Variants in IDE observed in about 807,000 individuals in gnomAD.
The protein encoded by IDE is insulin-degrading enzyme.
IDE carries 58 observed loss-of-function variants against 133.2 expected under a neutral mutation model. The ratio of observed to expected loss-of-function variants is 0.44; its 90% confidence interval spans 0.35 to 0.54. IDE has a LOEUF of 0.54. Ranked by LOEUF, IDE falls within the 20% of genes least tolerant of loss-of-function variation. The pLI, the probability that IDE is intolerant of heterozygous loss-of-function variation, is 0.00. For synonymous variants in IDE, 396 were observed against 421.3 expected (o/e 0.94, Z 0.73); for missense variants, 981 against 1,234.0 (o/e 0.79, Z 3.07).
At chr10:92,533,666 A>G (rs1850065858) in intron 3 of IDE, among the ~76,000 whole-genome samples, 1 of 151,138 alleles carries the variant, frequency 6.6e-6, no homozygotes, top group Non-Finnish European at 1.5e-5. Context: ...GAATCAAATC[A>G]CTGATGCAAC....
rs766261002 is a variant in IDE, at chr10:92,474,956, C to T, written c.2001G>A (p.Met667Ile). The change falls in exon 17 of 25, where the codon ATG becomes ATA. Residue 667 changes from methionine to isoleucine, a missense_variant. Met to Ile is a conservative substitution (Grantham distance 10). This residue lies in a region of IDE where 660 missense variants were observed against 894.7 expected (regional missense o/e 0.74). Coordinates refer to ENST00000265986, the MANE Select transcript of IDE (RefSeq NM_004969.4). ...KRFEIIKEAY[M>I]RSLNNFRAEQ... ...CAGCCCGGAAATTGTTAAGAGATCG[C>T]ATATACTAGTGAAAGAGACATGCGT... 6.2e-7 allele frequency: 1 copy of T among 1,604,114 alleles called. No homozygotes were observed. Among genetic ancestry groups the T allele is most frequent in the South Asian group, 1.1e-5 (1 of 88,856 alleles).
intron 9 of IDE, among the ~76,000 whole-genome samples, chr10:92,506,839 A>G (rs1328003460): frequency 3.3e-5 from 5 of 152,186 alleles, no homozygotes; most frequent in Admixed American, 6.5e-5. Flanking sequence ...AGAATTTAGA[A>G]AAACTGTGTG....
At position 92,499,325 on chromosome 10, in the gene IDE, C is replaced by T. The variant is rs564274392; in HGVS notation, c.1430+5469G>A. Among the ~76,000 whole-genome samples, 27 of 150,872 alleles carry T rather than the reference C, an allele frequency of 1.8e-4. 1 individual carries two copies. The highest frequency in any genetic ancestry group is 1.5e-3 in the Admixed American group (23 of 15,128). On this transcript the variant is annotated intron_variant, in intron 11 of 24. Transcript: ENST00000265986. ...CAGCCTCCCAAGTAGCTGGAATTACCGTAGAGATGAGGTTTTGCCATGTTG... is the reference window on the plus strand; with the variant it reads ...CAGCCTCCCAAGTAGCTGGAATTACTGTAGAGATGAGGTTTTGCCATGTTG...
rs1842981989 is a variant in IDE, at chr10:92,555,964, G to A, written c.98+17958C>T. On this transcript the variant is annotated intron_variant, in intron 1 of 24. Coordinates refer to ENST00000265986, the MANE Select transcript of IDE (RefSeq NM_004969.4). ...CGAGGCGGGTGGATCACGAGGTCAG[G>A]AGATCGAGACCATCCTGGCTAACAA... Among the ~76,000 whole-genome samples the A allele has an allele frequency of 3.9e-5, 6 of 152,022 alleles. 2 individuals are homozygous for A. The South Asian group carries it at 1.2e-3, about 32-fold the overall frequency.
chr10:92,484,133 C>T (rs892863935), intron 13 of IDE, among the ~76,000 whole-genome samples: 1 of 152,112 alleles, frequency 6.6e-6, no homozygotes, highest in Non-Finnish European at 1.5e-5. Context: ...GTGTGAGGGC[C>T]AGGCGCGGTG....
At chr10:92,539,254 C>T (rs1480049090) in intron 1 of IDE, among the ~76,000 whole-genome samples, 3 of 151,308 alleles carry the variant, frequency 2.0e-5, no homozygotes, top group East Asian at 1.9e-4. Flanking sequence ...AGAGGAGATA[C>T]GGAATTTTAA....
chr10:92,494,228 A>ATTTT (rs56276579), intron 11 of IDE, among the ~76,000 whole-genome samples: 1 of 130,668 alleles, frequency 7.7e-6, no homozygotes. Flanking sequence ...TACCCAGCCA[A>ATTTT]TTTTTTTTTT....
intron 4 of IDE, among the ~76,000 whole-genome samples, chr10:92,524,507 A>T (rs868140855): frequency 1.5e-4 from 11 of 73,730 alleles, no homozygotes; most frequent in African/African-American, 5.2e-4. Context: ...TATTTTATAT[A>T]ATATATAATA....
intron 23 of IDE, 95 bp from the exon 24 acceptor site, chr10:92,455,738 A>T (rs930388351): frequency 6.9e-6 from 5 of 728,158 alleles, no homozygotes; most frequent in Non-Finnish European, 9.6e-6. Context: ...TTAATTAAAA[A>T]CACCGCACCA....
chr10:92,487,937 C>T (rs1009162119), intron 12 of IDE, among the ~76,000 whole-genome samples: 1 of 152,136 alleles, frequency 6.6e-6, no homozygotes, highest in African/African-American at 2.4e-5. Flanking sequence ...GCTGGGACTA[C>T]AGGTGTGTGC....
In IDE at chr10:92,452,954, T is replaced by C. The variant is rs1162145636; in HGVS notation, c.*1490A>G. ...TGACAGTAGAAATGGAGCCCCGCTT[T>C]TGAAAGCAGCCCCATAGTTGTGACT... On this transcript the variant is annotated 3_prime_UTR_variant, in exon 25 of 25. Transcript: ENST00000265986. 1 of 152,214 alleles carries C rather than the reference T, an allele frequency of 6.6e-6. No individual in the cohort carries two copies. The highest frequency in any genetic ancestry group is 1.9e-4 in the East Asian group (1 of 5,202). 9.4% of individuals were successfully genotyped at this position (152,214 alleles called of 1,614,324 possible).
In IDE at chr10:92,487,123, G is replaced by A; in HGVS notation, c.1656+73C>T. On this transcript the variant is annotated intron_variant, in intron 13 of 24. Transcript: ENST00000265986. ...CAAATCAACATAGTACCAAATGTAA[G>A]AAATCATTTACCCAGTCCCCCATGT... The A allele has an allele frequency of 4.2e-6, 6 of 1,429,316 alleles. No homozygotes were observed. In the South Asian group the frequency reaches 7.9e-5, roughly 19 times the overall value. 88.5% of individuals were successfully genotyped at this position (1,429,316 alleles called of 1,614,324 possible).
At chr10:92,553,380 T>G (rs1842878885) in intron 1 of IDE, among the ~76,000 whole-genome samples, 1 of 149,786 alleles carries the variant, frequency 6.7e-6, no homozygotes, top group African/African-American at 2.5e-5. Context: ...GCCAAGACTA[T>G]GCCACTGCAC....
intron 19 of IDE, among the ~76,000 whole-genome samples, chr10:92,468,053 A>G (rs143095458): frequency 1.3e-5 from 2 of 152,358 alleles, no homozygotes; most frequent in East Asian, 3.9e-4. Flanking sequence ...CTGCAAGTCC[A>G]GAGGTAGATG....
chr10:92,479,664 TGAA>T (rs919466772), intron 14 of IDE: 20 of 370,998 alleles, frequency 5.4e-5, no homozygotes, highest in African/African-American at 3.3e-4. Flanking sequence ...CTGGTAGTAG[TGAA>T]GAAGGAGAAG....
At chr10:92,499,302 G>C (rs1462227487) in intron 11 of IDE, among the ~76,000 whole-genome samples, 3 of 151,960 alleles carry the variant, frequency 2.0e-5, no homozygotes, top group Non-Finnish European at 4.4e-5. Context: ...TCCTGCCTCA[G>C]CCTCCCAAGT....
intron 19 of IDE, among the ~76,000 whole-genome samples, chr10:92,466,514 G>C (rs1371962575): frequency 6.6e-6 from 1 of 151,926 alleles, no homozygotes. Flanking sequence ...ACGGGGTTTT[G>C]CCATGTTGGC....
chr10:92,566,554 A>T (rs569930019), intron 1 of IDE, among the ~76,000 whole-genome samples: 6 of 152,056 alleles, frequency 3.9e-5, no homozygotes, highest in Non-Finnish European at 8.8e-5. Flanking sequence ...GGGATCTAAA[A>T]ATCAAAACAA....
At chr10:92,528,943 G>C (rs1334588617) in intron 4 of IDE, among the ~76,000 whole-genome samples, 2 of 152,034 alleles carry the variant, frequency 1.3e-5, no homozygotes, top group East Asian at 3.9e-4. Flanking sequence ...TGGGCATGGT[G>C]GTGGGTGCCC....
Sources: gnomAD v4.1 joint callset for allele counts (sites outside exome capture counted in the v4.1 genomes callset) on GRCh38, gnomAD v4.1.1 for gene constraint, gnomAD v4.1.1 regional missense constraint, MANE v1.5 for transcripts, NCBI Gene and HGNC (gene_info 2026-07-23, HGNC 2026-07-21) for gene names.